The following RGS12 variants were observed in gnomAD, a reference collection of about 807,000 sequenced individuals.
The protein encoded by RGS12 is regulator of G protein signaling 12.
Under a neutral mutation model 120.1 loss-of-function variants are expected in RGS12, and 66 were observed. That is an observed-to-expected ratio of 0.55 (90% CI 0.45 to 0.67). RGS12 has a LOEUF of 0.67. Ranked by LOEUF, RGS12 falls within the 30% of genes least tolerant of loss-of-function variation. RGS12 has a pLI of 0.00. For synonymous variants in RGS12, 827 were observed against 804.7 expected, an observed-to-expected ratio of 1.03 and a Z score of -0.47; for missense variants, 1,859 against 1,957.7, an observed-to-expected ratio of 0.95 and a Z score of 0.95.
chr4:3,361,891 A>G, intron 3 of RGS12, among the ~76,000 whole-genome samples: 1 of 152,220 alleles, frequency 6.6e-6, no homozygotes, highest in Non-Finnish European at 1.5e-5. Flanking sequence ...CACGTGCATC[A>G]GTGCCTCTCA....
At chr4:3,398,835 C>A (rs978208943) in intron 4 of RGS12, among the ~76,000 whole-genome samples, 1 of 151,930 alleles carries the variant, frequency 6.6e-6, no homozygotes, top group Non-Finnish European at 1.5e-5. Context: ...ATGGAAAATA[C>A]ACTTTTTTTC....
Position 3,343,541 on chromosome 4 carries a change from G to A in RGS12, c.1998+488G>A, listed in dbSNP as rs1334655531. Among the ~76,000 whole-genome samples, 4 of 151,992 alleles carry A rather than the reference G, an allele frequency of 2.6e-5. No homozygotes were observed. The South Asian group carries it at 6.3e-4, about 24-fold the overall frequency. On this transcript the variant is annotated intron_variant, in intron 3 of 17. Transcript: ENST00000336727. ...ACCCACTTGTTAAAAATGCGCCGTC[G>A]GGATCATTACGTCCTGCATTGGTGT...
chr4:3,311,014 G>T (rs528903218), intron 1 of RGS12, among the ~76,000 whole-genome samples: 47 of 152,350 alleles, frequency 3.1e-4, no homozygotes, highest in Admixed American at 1.3e-4. Flanking sequence ...CTTCCTCAGA[G>T]CGATGATGGT....
At chr4:3,432,862 A>G (rs185535591) in intron 17 of RGS12, among the ~76,000 whole-genome samples, 3 of 152,322 alleles carry the variant, frequency 2.0e-5, no homozygotes, top group South Asian at 4.1e-4. Context: ...GGCTTTGGCC[A>G]TAGGTCGTAG....
chr4:3,406,741 C>A (rs941149426), intron 4 of RGS12, among the ~76,000 whole-genome samples: 1 of 152,208 alleles, frequency 6.6e-6, no homozygotes, highest in East Asian at 1.9e-4. Flanking sequence ...AGGCCCTGCT[C>A]GGCCTGGGGG....
chr4:3,345,845 T>G (rs1713736416), intron 3 of RGS12, among the ~76,000 whole-genome samples: 1 of 152,220 alleles, frequency 6.6e-6, no homozygotes, highest in Non-Finnish European at 1.5e-5. Flanking sequence ...GACAACCAGT[T>G]GAATAAATCA....
chr4:3,299,992 C>T (rs1723591735), intron 1 of RGS12, among the ~76,000 whole-genome samples: 1 of 152,212 alleles, frequency 6.6e-6, no homozygotes, highest in African/African-American at 2.4e-5. Flanking sequence ...TTCACCTCAC[C>T]CCCACAGTCT....
chr4:3,350,957 A>G (rs958386799), intron 3 of RGS12, among the ~76,000 whole-genome samples: 4 of 151,804 alleles, frequency 2.6e-5, no homozygotes, highest in African/African-American at 9.7e-5. Flanking sequence ...ACATAGTAAT[A>G]CAAATTCACT....
At chr4:3,430,069 A>G (rs1377301967) in intron 16 of RGS12, among the ~76,000 whole-genome samples, 1 of 152,226 alleles carries the variant, frequency 6.6e-6, no homozygotes, top group African/African-American at 2.4e-5. Flanking sequence ...TTGAAAGCCC[A>G]GGCCAGAGAG....
At chr4:3,306,768 A>G (rs759131829) in intron 1 of RGS12, among the ~76,000 whole-genome samples, 5 of 151,990 alleles carry the variant, frequency 3.3e-5, no homozygotes, top group Admixed American at 6.5e-5. Flanking sequence ...TGGGTAGGGA[A>G]TGTCCTGGGG....
In RGS12 at chr4:3,374,024, C is replaced by T. The variant is rs1394561779; in HGVS notation, c.1999-12392C>T. On this transcript the variant is annotated intron_variant, in intron 3 of 17. Transcript: ENST00000336727. This position sits in a 1 kb window ranked among gnomAD's most constrained non-coding sequence, Gnocchi z 6.3. ...TCGGGCCAAAAACCCCCAGCCCTTT[C>T]CCCTGGGTCCTGAGGAGGAAGGCAG... Among the ~76,000 whole-genome samples the T allele has an allele frequency of 2.6e-5, 4 of 152,254 alleles. No homozygotes were observed. The highest frequency in any genetic ancestry group is 5.9e-5 in the Non-Finnish European group (4 of 68,044).
At chr4:3,421,935 A>C (rs1255020470) in intron 10 of RGS12, among the ~76,000 whole-genome samples, 12 of 152,264 alleles carry the variant, frequency 7.9e-5, no homozygotes, top group Non-Finnish European at 1.8e-4. Context: ...GACTACCGGA[A>C]GGCAGTGCCG....
At chr4:3,336,353 T>G (rs1045677971) in intron 2 of RGS12, among the ~76,000 whole-genome samples, 1 of 152,218 alleles carries the variant, frequency 6.6e-6, no homozygotes, top group African/African-American at 2.4e-5. Context: ...TAGTACTCTC[T>G]GTTAGAACTA....
intron 1 of RGS12, among the ~76,000 whole-genome samples, chr4:3,301,789 T>A (rs115411259): frequency 0.018 from 2,740 of 150,852 alleles, 69 homozygotes; most frequent in African/African-American, 0.06. Flanking sequence ...AGAGGTGACA[T>A]GTCCAGGTGG....
chr4:3,362,521 T>A (rs537064867), intron 3 of RGS12, among the ~76,000 whole-genome samples: 1 of 117,362 alleles, frequency 8.5e-6, no homozygotes, highest in South Asian at 2.9e-4. Flanking sequence ...TCAGTGTGTG[T>A]GAGGGTGTGT....
At chr4:3,305,541 G>A (rs1003493467) in intron 1 of RGS12, among the ~76,000 whole-genome samples, 1 of 152,338 alleles carries the variant, frequency 6.6e-6, no homozygotes, top group Non-Finnish European at 1.5e-5. Flanking sequence ...AGAGAGACAC[G>A]CCGTCAGCTC....
intron 3 of RGS12, among the ~76,000 whole-genome samples, chr4:3,353,953 A>G (rs143000700): frequency 6.6e-6 from 1 of 152,278 alleles, no homozygotes; most frequent in African/African-American, 2.4e-5. Context: ...CAACAGCCCT[A>G]TGGAGAAAGA....
chr4:3,384,571 C>T (rs894692593), intron 3 of RGS12, among the ~76,000 whole-genome samples: 2 of 152,250 alleles, frequency 1.3e-5, no homozygotes, highest in Non-Finnish European at 2.9e-5. Flanking sequence ...GCCCCAGAGC[C>T]TCTGATAAAA....
At chr4:3,293,257 G>C (rs1320561199) in intron 1 of RGS12, among the ~76,000 whole-genome samples, 158 bp downstream of exon 1, 2 of 145,784 alleles carry the variant, frequency 1.4e-5, no homozygotes, top group African/African-American at 4.9e-5. Flanking sequence ...CGCCCGCCCT[G>C]CCTTTTGTTC....
Sources: allele counts gnomAD v4.1 joint callset (sites outside exome capture counted in the v4.1 genomes callset), GRCh38; gene constraint gnomAD v4.1.1; non-coding constraint Gnocchi (gnomAD v3.1); transcripts MANE v1.5; gene names NCBI Gene and HGNC (gene_info 2026-07-23, HGNC 2026-07-21).